The following VGLL4 variants were observed in gnomAD, a reference collection of about 807,000 sequenced individuals.
The protein encoded by VGLL4 is vestigial like family member 4.
A neutral mutation model predicts 21.0 loss-of-function variants in VGLL4; 7 were observed. The ratio of observed to expected loss-of-function variants is 0.33; its 90% CI spans 0.19 to 0.63. VGLL4 has a LOEUF of 0.63. Among genes scored for constraint, VGLL4 ranks in the 20% least tolerant of loss-of-function variants. VGLL4 has a pLI of 0.78. For missense variants in VGLL4, 394 were observed against 425.7 expected (o/e 0.93, Z 0.66); for synonymous variants, 222 against 173.2 (o/e 1.28, Z -2.21).
chr3:11,643,396 G>A lies in VGLL4; in HGVS notation c.82+41C>T, dbSNP rs1403134673. On this transcript the variant is annotated intron_variant, in intron 1 of 4. Transcript: ENST00000430365. The stretch of plus-strand genomic sequence containing the variant: ...CCCAGCACACTGAGGAGGAGTGGCC[G>A]GGACGAGCAACGGGCAGTAATTCTA... 6 of 1,613,626 alleles carry A rather than the reference G, an allele frequency of 3.7e-6. No homozygotes were observed. In the African/African-American group the frequency reaches 6.7e-5, roughly 18 times the overall value.
chr3:11,675,303 C>G (rs980815100), intron 2 of VGLL4, among the ~76,000 whole-genome samples: 6 of 152,064 alleles, frequency 3.9e-5, no homozygotes, highest in Admixed American at 2.0e-4. Flanking sequence ...GACTATGCCA[C>G]TCACTGCACT....
chr3:11,559,159 C>A (rs376161164), intron 4 of VGLL4, among the ~76,000 whole-genome samples, 173 bp downstream of exon 4: 1 of 152,246 alleles, frequency 6.6e-6, no homozygotes, highest in South Asian at 2.1e-4. Context: ...CATGCCCTTC[C>A]CACCCAAGTC....
At chr3:11,690,161 C>T (rs1219289695) in intron 2 of VGLL4, among the ~76,000 whole-genome samples, 1 of 152,150 alleles carries the variant, frequency 6.6e-6, no homozygotes, top group African/African-American at 2.4e-5. Context: ...TTAATCCCCC[C>T]CTTTTCTTTT....
At chr3:11,628,396 A>AG (rs932109823) in intron 1 of VGLL4, among the ~76,000 whole-genome samples, 1 of 140,508 alleles carries the variant, frequency 7.1e-6, no homozygotes, top group African/African-American at 2.8e-5. Context: ...CTCAAAAAAC[A>AG]AAAAAAAAAA....
intron 2 of VGLL4, among the ~76,000 whole-genome samples, chr3:11,585,410 G>A (rs1449128980): frequency 6.6e-6 from 1 of 151,276 alleles, no homozygotes; most frequent in Admixed American, 6.6e-5. Context: ...TCCAGCCTGG[G>A]TGGCAGATTG....
chr3:11,701,388 T>C (rs959182211), intron 2 of VGLL4, among the ~76,000 whole-genome samples: 8 of 152,170 alleles, frequency 5.3e-5, no homozygotes, highest in Admixed American at 3.3e-4. Context: ...TTGTACAGCC[T>C]ACAGCACCGT....
chr3:11,619,640 T>A (rs2616555), intron 1 of VGLL4, among the ~76,000 whole-genome samples: 63,504 of 151,960 alleles, frequency 0.42, 14,826 homozygotes, highest in South Asian at 0.61. Context: ...AGAGCTGGTC[T>A]AGAGCCACCA....
chr3:11,586,487 G>C (rs1049058555), intron 2 of VGLL4, among the ~76,000 whole-genome samples: 11 of 152,150 alleles, frequency 7.2e-5, no homozygotes. Context: ...AGATTCAACC[G>C]ATCATGGATG....
At position 11,686,805 on chromosome 3, in the gene VGLL4, C is replaced by A. The variant is rs114457289; in HGVS notation, c.64+16166G>T. Among the ~76,000 whole-genome samples the A allele has an allele frequency of 5.9e-5, 9 of 152,236 alleles. 1 individual carries two copies. The highest frequency in any genetic ancestry group is 2.2e-4 in the African/African-American group (9 of 41,544). On this transcript the variant is annotated intron_variant, in intron 2 of 5. Transcript: ENST00000273038. ...CCATTCTGTTTCGTTTATTCTATCT[C>A]GGCATTTTTCAAACAATAAGGCACA...
chr3:11,670,287 C>T (rs10510405), intron 2 of VGLL4, among the ~76,000 whole-genome samples: 22,266 of 152,098 alleles, frequency 0.15, 1,857 homozygotes, highest in African/African-American at 0.2. Flanking sequence ...CTGAAGTCTA[C>T]GTTGGAAAAC....
At chr3:11,608,160 AG>A (rs1426630516) in intron 1 of VGLL4, among the ~76,000 whole-genome samples, 1 of 152,252 alleles carries the variant, frequency 6.6e-6, no homozygotes, top group African/African-American at 2.4e-5. Context: ...AATAAACAGA[AG>A]GAAGATTTGA....
At chr3:11,618,911 T>C (rs2125297200) in intron 1 of VGLL4, among the ~76,000 whole-genome samples, 1 of 152,272 alleles carries the variant, frequency 6.6e-6, no homozygotes, top group Admixed American at 6.5e-5. Context: ...CTCTCTCTCT[T>C]TTTACATTTA....
rs530090776 is a variant in VGLL4, at chr3:11,717,216, C to T, written c.-14+3178G>A. ...AGACGGAGTTTCACAATTTCAGTGACGTTAAAATTTTCCCGTGTATTTTAT... is the reference window on the plus strand; with the variant it reads ...AGACGGAGTTTCACAATTTCAGTGATGTTAAAATTTTCCCGTGTATTTTAT... On this transcript the variant is annotated intron_variant, in intron 1 of 5. Coordinates refer to the VGLL4 transcript ENST00000273038. Among the ~76,000 whole-genome samples the T allele has an allele frequency of 8.1e-5, 12 of 148,914 alleles. No homozygotes were observed. The South Asian group carries it at 1.3e-3, about 16-fold the overall frequency.
chr3:11,642,878 G>A (rs1284573238), intron 1 of VGLL4, among the ~76,000 whole-genome samples: 4 of 152,192 alleles, frequency 2.6e-5, no homozygotes, highest in African/African-American at 4.8e-5. Context: ...AAGCGCCAGC[G>A]AGACAAAGAG....
intron 2 of VGLL4, among the ~76,000 whole-genome samples, chr3:11,662,016 A>C (rs1484814226): frequency 6.6e-6 from 1 of 152,248 alleles, no homozygotes; most frequent in Non-Finnish European, 1.5e-5. Context: ...AATCCCAGTG[A>C]TTGGCTCAAG....
chr3:11,677,298 G>T (rs9835129), intron 2 of VGLL4, among the ~76,000 whole-genome samples: 3,967 of 151,022 alleles, frequency 0.026, 172 homozygotes, highest in African/African-American at 0.092. Context: ...TTTTGACAGG[G>T]TCTCACGCTG....
chr3:11,627,752 T>C (rs1239689190), intron 1 of VGLL4, among the ~76,000 whole-genome samples: 3 of 152,114 alleles, frequency 2.0e-5, no homozygotes, highest in African/African-American at 4.8e-5. Flanking sequence ...TTAAAGACAA[T>C]AAAATACAAA....
chr3:11,562,077 T>C (rs148488597), intron 3 of VGLL4, among the ~76,000 whole-genome samples: 3 of 152,054 alleles, frequency 2.0e-5, no homozygotes, highest in African/African-American at 4.8e-5. Flanking sequence ...TTTGTACTTT[T>C]AGTAAAAACA....
At chr3:11,646,040 A>G (rs1285928844), upstream of VGLL4, among the ~76,000 whole-genome samples, 2 of 152,252 alleles carry the variant, frequency 1.3e-5, no homozygotes, top group African/African-American at 4.8e-5. Context: ...TCATTGCTGC[A>G]ACAGTAATCA....
Sources: allele counts gnomAD v4.1 joint callset (sites outside exome capture counted in the v4.1 genomes callset), GRCh38; gene constraint gnomAD v4.1.1; transcripts MANE v1.5; gene names NCBI Gene and HGNC (gene_info 2026-07-23, HGNC 2026-07-21).